Variants in CCDC28B observed in about 807,000 individuals in gnomAD.
CCDC28B encodes coiled-coil domain-containing protein 28B.
CCDC28B carries 17 observed loss-of-function variants against 18.7 expected under a neutral mutation model. That is an observed-to-expected ratio of 0.91 (90% CI 0.62 to 1.36). The LOEUF is 1.36. Among genes scored for constraint, CCDC28B ranks in the 40% most tolerant of loss-of-function variants. The pLI is 0.00. For synonymous variants in CCDC28B, 116 were observed against 105.1 expected, an observed-to-expected ratio of 1.10 and a Z score of -0.64; for missense variants, 213 against 251.7, an observed-to-expected ratio of 0.85 and a Z score of 1.04.
chr1:32,204,479 G>T, intron 4 of CCDC28B, 100 bp downstream of exon 4: 1 of 1,513,586 alleles, frequency 6.6e-7, no homozygotes. Context: ...AAAGGTGGGA[G>T]TGCATGGATC....
At chr1:32,201,667 C>T (rs920531735) in intron 1 of CCDC28B, 1 of 325,758 alleles carries the variant, frequency 3.1e-6, no homozygotes, top group African/African-American at 2.1e-5. Context: ...TGTGACTGGT[C>T]CCACCCTTTC....
In CCDC28B at chr1:32,203,889, G is replaced by A; in HGVS notation, c.175G>A (p.Glu59Lys). The change falls in exon 3 of 6, where the codon GAG (glutamate) becomes AAG (lysine). Residue 59 changes from glutamate (E) to lysine (K), a missense_variant. By Grantham distance (56) the Glu-to-Lys change is moderately conservative (BLOSUM62 1). Coordinates refer to ENST00000373602, the MANE Select transcript of CCDC28B (RefSeq NM_024296.5). Reference protein sequence around the residue: ...QRAKFKRVGKEKCRPVLAGGG... With the variant: ...QRAKFKRVGKKKCRPVLAGGG... The stretch of plus-strand genomic sequence containing the variant: ...GTCCACCCCACCCAGAGTAGGCAAA[G>A]AGAAGTGCCGCCCAGTCCTGGCTGG... 1 of 1,506,652 alleles carries A rather than the reference G, an allele frequency of 6.6e-7. No homozygotes were observed. The highest frequency in any genetic ancestry group is 8.9e-7 in the Non-Finnish European group (1 of 1,128,300). The allele number at this position is 1,506,652 out of a possible 1,614,324, so 93.3% of individuals were successfully genotyped here. A position where few individuals can be genotyped will look rare whatever the true frequency, so the allele number is the denominator to read the frequency against.
At position 32,203,872 on chromosome 1, in the gene CCDC28B, C is replaced by A; in HGVS notation, c.165-7C>A. ...CCTGTGATCATGGTCATGTCCACCC[C>A]ACCCAGAGTAGGCAAAGAGAAGTGC... On this transcript the variant is annotated splice_polypyrimidine_tract_variant and splice_region_variant and intron_variant, in intron 2 of 5. Coordinates refer to ENST00000373602, the MANE Select transcript of CCDC28B (RefSeq NM_024296.5). The A allele has an allele frequency of 6.7e-7, 1 of 1,498,890 alleles. No homozygotes were observed. The highest frequency in any genetic ancestry group is 8.9e-7 in the Non-Finnish European group (1 of 1,124,580). 92.8% of individuals were successfully genotyped at this position (1,498,890 alleles called of 1,614,324 possible). A position where few individuals can be genotyped will look rare whatever the true frequency, so the allele number is the denominator to read the frequency against.
In CCDC28B at chr1:32,203,869, C is replaced by A; in HGVS notation, c.165-10C>A. On this transcript the variant is annotated splice_polypyrimidine_tract_variant and intron_variant, in intron 2 of 5. Coordinates refer to ENST00000373602, the MANE Select transcript of CCDC28B (RefSeq NM_024296.5). ...TACCCTGTGATCATGGTCATGTCCA[C>A]CCCACCCAGAGTAGGCAAAGAGAAG... 6.7e-7 allele frequency: 1 copy of A among 1,498,280 alleles called. No individual in the cohort carries two copies. The highest frequency in any genetic ancestry group is 8.9e-7 in the Non-Finnish European group (1 of 1,124,280). 92.8% of individuals were successfully genotyped at this position (1,498,280 alleles called of 1,614,324 possible).
At chr1:32,204,562 C>A in intron 4 of CCDC28B, 36 bp from the exon 5 acceptor site, 9 of 1,541,612 alleles carry the variant, frequency 5.8e-6, no homozygotes, top group Non-Finnish European at 7.8e-6. Context: ...TGGTTCCCCT[C>A]CTAACAGAAG....
chr1:32,205,141 C>T lies in CCDC28B; in HGVS notation c.549-53C>T. The stretch of plus-strand genomic sequence containing the variant: ...AACTAAACCTGTGCAAGATGGGAGA[C>T]CGGGGTGGGAGGAAGGACTGGTCCA... On this transcript the variant is annotated intron_variant, in intron 5 of 5. Transcript: ENST00000373602. The surrounding 1 kb of genome is among the most constrained non-coding windows in gnomAD (Gnocchi z 5.6). The T allele has an allele frequency of 6.2e-7, 1 of 1,603,356 alleles. No individual in the cohort carries two copies. Among genetic ancestry groups the T allele is most frequent in the South Asian group, 1.1e-5 (1 of 90,280 alleles).
At chr1:32,204,429 A>C (rs571713791) in intron 4 of CCDC28B, 50 bp downstream of exon 4, 4 of 1,533,014 alleles carry the variant, frequency 2.6e-6, no homozygotes, top group Non-Finnish European at 3.5e-6. Context: ...AGGGGTGGAG[A>C]AGGTACATAC....
upstream of CCDC28B, among the ~76,000 whole-genome samples, chr1:32,198,756 T>C (rs932853575): frequency 9.9e-5 from 15 of 151,996 alleles, no homozygotes; most frequent in Admixed American, 8.5e-4. Context: ...TCCATGGGAC[T>C]GGGAGAGGGG....
upstream of CCDC28B, among the ~76,000 whole-genome samples, chr1:32,199,870 C>T (rs946152926): frequency 7.2e-5 from 11 of 152,218 alleles, no homozygotes; most frequent in Non-Finnish European, 4.4e-5. Flanking sequence ...TCTGCCAGGG[C>T]TTTAAATAGC....
In CCDC28B at chr1:32,202,007, A is replaced by G; in HGVS notation, c.72A>G (p.Leu24=). Residue 24 remains leucine (L), a synonymous_variant, in exon 2 of 6, where the codon CTA becomes CTG. Coordinates refer to ENST00000373602, the MANE Select transcript of CCDC28B (RefSeq NM_024296.5). ...LAQPAQAPGT[L]RRVPVPTSHS... ...AGCCAGCCCAGGCCCCAGGCACACT[A>G]CGGAGGGTCCCTGTGCCTACCAGCC... 2 of 1,613,768 alleles carry G rather than the reference A, an allele frequency of 1.2e-6. No homozygotes were observed. The highest frequency in any genetic ancestry group is 2.2e-5 in the East Asian group (1 of 44,872).
intron 1 of CCDC28B, 187 bp from the exon 2 acceptor site, chr1:32,201,726 G>T (rs34756120): frequency 2.1e-6 from 1 of 487,250 alleles, no homozygotes. Flanking sequence ...TTGGGCCTTA[G>T]AAGGTCCTTC....
rs1446822706 is a variant in CCDC28B, at chr1:32,204,355, T to C, written c.501T>C (p.Arg167=). The change falls in exon 4 of 6, where the codon CGT becomes CGC. Residue 167 remains arginine (R), a synonymous_variant. Transcript: ENST00000373602. The part of the protein sequence containing the change: ...PEEQKKTMAD[R]NLDQLLSNLE... ...AGCAGAAGAAGACAATGGCTGACCG[T>C]AACCTGGACCAGCTGCTTAGCAATG... The C allele has an allele frequency of 1.3e-6, 2 of 1,592,112 alleles. No homozygotes were observed. The highest frequency in any genetic ancestry group is 1.7e-5 in the Admixed American group (1 of 57,424).
In CCDC28B at chr1:32,205,341, T is replaced by C. The variant is rs1643290771; in HGVS notation, c.*93T>C. 7.8e-7 allele frequency: 1 copy of C among 1,288,170 alleles called. No individual in the cohort carries two copies. Among genetic ancestry groups the C allele is most frequent in the Non-Finnish European group, 1.1e-6 (1 of 938,164 alleles). The allele number at this position is 1,288,170 out of a possible 1,614,324, so 79.8% of individuals were successfully genotyped here. On this transcript the variant is annotated 3_prime_UTR_variant, in exon 6 of 6. Coordinates refer to ENST00000373602, the MANE Select transcript of CCDC28B (RefSeq NM_024296.5). This position sits in a 1 kb window ranked among gnomAD's most constrained non-coding sequence, Gnocchi z 5.6. ...GGGTGTTCTGCGGCCCCCCAGGTGC[T>C]ATGGGGGAGGGGGGCGTTGAATGGA...
chr1:32,200,495 G>A (rs1233303980), upstream of CCDC28B: 1 of 152,260 alleles, frequency 6.6e-6, no homozygotes, highest in Non-Finnish European at 1.5e-5. Flanking sequence ...CCTAGGTTCA[G>A]GCGGGGAGGT....
chr1:32,204,323 C>G lies in CCDC28B; in HGVS notation c.469C>G (p.Pro157Ala), dbSNP rs1436966717. The change falls in exon 4 of 6, where the codon CCA (proline) becomes GCA (alanine). Residue 157 changes from proline to alanine, a missense_variant. Coordinates refer to ENST00000373602, the MANE Select transcript of CCDC28B (RefSeq NM_024296.5). Reference sequence around the variant, plus strand: ...AGAGGATGGGGTCACTGAGGGGCTGCCAGAGGAGCAGAAGAAGACAATGGC... The same window carrying G: ...AGAGGATGGGGTCACTGAGGGGCTGGCAGAGGAGCAGAAGAAGACAATGGC... The part of the protein sequence containing the change: ...EEEDGVTEGL[P>A]EEQKKTMADR... The G allele has an allele frequency of 2.5e-6, 4 of 1,609,448 alleles. No homozygotes were observed. Among genetic ancestry groups the G allele is most frequent in the Non-Finnish European group, 3.4e-6 (4 of 1,177,676 alleles).
intron 1 of CCDC28B, among the ~76,000 whole-genome samples, chr1:32,201,129 G>A (rs890454151): frequency 6.6e-6 from 1 of 152,120 alleles, no homozygotes; most frequent in Admixed American, 6.5e-5. Flanking sequence ...CGGAGGCTTG[G>A]GGGGCGCTGC....
intron 5 of CCDC28B, chr1:32,204,980 G>A: frequency 1.6e-6 from 2 of 1,248,570 alleles, no homozygotes; most frequent in South Asian, 3.1e-5. Flanking sequence ...GCGAGTGCGC[G>A]CGCACACACC....
Position 32,203,926 on chromosome 1 carries a change from G to T in CCDC28B, c.212G>T (p.Gly71Val). 1 of 1,549,148 alleles carries T rather than the reference G, an allele frequency of 6.5e-7. No homozygotes were observed. The highest frequency in any genetic ancestry group is 2.0e-5 in the Admixed American group (1 of 49,012). ...CCAGTCCTGGCTGGAGGTGGAAGCG[G>T]CTCTGCAGGCACGCCCCTGCAGCAC... ...CRPVLAGGGS[G>V]SAGTPLQHSF... Residue 71 changes from glycine (G) to valine (V), a missense_variant, in exon 3 of 6, where the codon GGC becomes GTC. By Grantham distance (109) the Gly-to-Val change is moderately radical. Transcript: ENST00000373602.
chr1:32,203,077 T>G (rs1219442039), intron 2 of CCDC28B: 3 of 150,950 alleles, frequency 2.0e-5, no homozygotes, highest in Non-Finnish European at 4.4e-5. Context: ...GAGGTTGCAG[T>G]GAACCGAGAT....
Sources: allele counts gnomAD v4.1 joint callset (sites outside exome capture counted in the v4.1 genomes callset), GRCh38; gene constraint gnomAD v4.1.1; non-coding constraint Gnocchi (gnomAD v3.1); transcripts MANE v1.5; gene names NCBI Gene and HGNC (gene_info 2026-07-23, HGNC 2026-07-21).